Variants in MALRD1 observed in about 807,000 individuals in gnomAD.
MALRD1 encodes MAM and LDL receptor class A domain containing 1.
A neutral mutation model predicts 242.1 loss-of-function variants in MALRD1; 247 were observed. The observed-to-expected ratio is 1.02, with a 90% CI of 0.92 to 1.13. MALRD1 has a LOEUF of 1.13. Ranked by LOEUF, MALRD1 falls within the 50% of genes most tolerant of loss-of-function variation. The pLI, the probability that MALRD1 is intolerant of heterozygous loss-of-function variation, is 0.00. For missense variants in MALRD1, 2,989 were observed against 2,533.1 expected, an observed-to-expected ratio of 1.18 and a Z score of -3.86; for synonymous variants, 995 against 866.6, an observed-to-expected ratio of 1.15 and a Z score of -2.60.
chr10:19,298,967 A>G (rs1236684462), intron 21 of MALRD1, among the ~76,000 whole-genome samples: 1 of 151,934 alleles, frequency 6.6e-6, no homozygotes, highest in Non-Finnish European at 1.5e-5. Flanking sequence ...ATACCTGGTA[A>G]AAATATTCTT....
intron 24 of MALRD1, among the ~76,000 whole-genome samples, chr10:19,337,673 ATATT>A (rs1843670652): frequency 6.6e-6 from 1 of 152,144 alleles, no homozygotes; most frequent in Admixed American, 6.6e-5. Flanking sequence ...CAATTTACAA[ATATT>A]TATCATCATT....
intron 21 of MALRD1, among the ~76,000 whole-genome samples, chr10:19,286,398 G>A (rs1156946645): frequency 1.3e-5 from 2 of 150,490 alleles, no homozygotes; most frequent in African/African-American, 2.4e-5. Context: ...GTTTGTCATA[G>A]ATAGCTCTTA....
At chr10:19,629,485 T>A (rs576499612) in intron 36 of MALRD1, among the ~76,000 whole-genome samples, 391 of 152,190 alleles carry the variant, frequency 2.6e-3, no homozygotes, top group Non-Finnish European at 4.3e-3. Flanking sequence ...ATCAGGAGAT[T>A]CAAAAAGCTC....
Position 19,712,455 on chromosome 10 carries a change from G to A in MALRD1, c.6315-18251G>A, listed in dbSNP as rs571912175. Among the ~76,000 whole-genome samples, 6 of 152,252 alleles carry A rather than the reference G, an allele frequency of 3.9e-5. No individual in the cohort carries two copies. In the East Asian group the frequency reaches 7.7e-4, roughly 20 times the overall value. ...TTAATAAACCCAAAATGAGATATAT[G>A]TAAAGGAATTTGTGGATATGCAGGA... On this transcript the variant is annotated intron_variant, in intron 38 of 39. Coordinates refer to ENST00000454679, the MANE Select transcript of MALRD1 (RefSeq NM_001142308.3).
chr10:19,284,108 A>G (rs553133660), intron 21 of MALRD1, among the ~76,000 whole-genome samples: 1 of 152,352 alleles, frequency 6.6e-6, no homozygotes, highest in South Asian at 2.1e-4. Context: ...GGGGTGGGAT[A>G]AGAAGAGCAG....
intron 33 of MALRD1, among the ~76,000 whole-genome samples, chr10:19,591,497 G>GTTTTTTTTTTTTTTTTTTTTTTTAT (rs35785107): frequency 8.6e-6 from 1 of 116,296 alleles, no homozygotes; most frequent in Non-Finnish European, 1.8e-5. Context: ...TTTTATTTTA[G>GTTTTTTTTTTTTTTTTTTTTTTTAT]TTTTTTTTTT....
At chr10:19,658,571 G>A (rs1485342611) in intron 36 of MALRD1, among the ~76,000 whole-genome samples, 1 of 152,086 alleles carries the variant, frequency 6.6e-6, no homozygotes, top group African/African-American at 2.4e-5. Flanking sequence ...TAAGGGTCAA[G>A]AGTTATTGGC....
At chr10:19,288,689 G>A (rs951281656) in intron 21 of MALRD1, among the ~76,000 whole-genome samples, 8 of 151,982 alleles carry the variant, frequency 5.3e-5, no homozygotes, top group African/African-American at 1.9e-4. Flanking sequence ...CAAGTCCTGC[G>A]AGATCCCATC....
intron 29 of MALRD1, among the ~76,000 whole-genome samples, chr10:19,479,614 G>A (rs904502320): frequency 4.6e-5 from 7 of 152,096 alleles, no homozygotes; most frequent in Non-Finnish European, 7.4e-5. Flanking sequence ...GTATAAATTC[G>A]CCATAAGTGC....
intron 28 of MALRD1, among the ~76,000 whole-genome samples, chr10:19,401,457 T>C (rs187362633): frequency 3.7e-4 from 57 of 152,286 alleles, no homozygotes; most frequent in Non-Finnish European, 6.9e-4. Flanking sequence ...AATTGAAAAC[T>C]AATCCAAAAC....
intron 1 of MALRD1, among the ~76,000 whole-genome samples, chr10:19,056,902 AT>A (rs1287957413): frequency 1.3e-5 from 2 of 152,142 alleles, no homozygotes; most frequent in Admixed American, 6.5e-5. Context: ...AATTTTTCAA[AT>A]GCTTTCTCCG....
chr10:19,278,585 C>T (rs1176194462), intron 19 of MALRD1, among the ~76,000 whole-genome samples: 1 of 152,108 alleles, frequency 6.6e-6, no homozygotes, highest in Non-Finnish European at 1.5e-5. Context: ...GCTATGGATG[C>T]AGGGATGAAA....
chr10:19,290,397 G>T (rs1032905589), intron 21 of MALRD1: 1 of 152,186 alleles, frequency 6.6e-6, no homozygotes, highest in Non-Finnish European at 1.5e-5. Context: ...GCTCAGCAGG[G>T]CTCAACTGAG....
chr10:19,398,497 G>T (rs540419732), intron 28 of MALRD1, among the ~76,000 whole-genome samples: 2 of 152,046 alleles, frequency 1.3e-5, no homozygotes, highest in South Asian at 4.2e-4. Context: ...TATTATAATG[G>T]GATATTAAAA....
chr10:19,294,993 T>A (rs11009345), intron 21 of MALRD1, among the ~76,000 whole-genome samples: 18,260 of 152,062 alleles, frequency 0.12, 1,204 homozygotes, highest in East Asian at 0.19. Flanking sequence ...TCTGTAATCA[T>A]CTATTTATTA....
chr10:19,245,356 T>C (rs16918387), intron 18 of MALRD1, among the ~76,000 whole-genome samples: 2,344 of 152,248 alleles, frequency 0.015, 64 homozygotes, highest in African/African-American at 0.053. Flanking sequence ...GACTACAAGG[T>C]ACAAACTGAA....
Position 19,165,752 on chromosome 10 carries a change from G to A in MALRD1, c.1772G>A (p.Trp591Ter). Residue 591 changes from tryptophan (W) to a stop codon, truncating the protein, a stop_gained, in exon 13 of 40, where the codon TGG becomes TAG. Coordinates refer to ENST00000454679, the MANE Select transcript of MALRD1 (RefSeq NM_001142308.3). LOFTEE classifies it high-confidence loss of function. ...GKIIRFSESQ[W>*]SHAKIDLIAE... is the part of the protein sequence containing the mutation. ...ATAATCAGATTCTCCGAATCTCAGT[G>A]GAGCCACGCAAAAATTGATCTCATT... The A allele has an allele frequency of 8.1e-7, 1 of 1,231,660 alleles. No individual in the cohort carries two copies. Among genetic ancestry groups the A allele is most frequent in the Admixed American group, 4.2e-5 (1 of 23,702 alleles). The allele number at this position is 1,231,660 out of a possible 1,614,324, so 76.3% of individuals were successfully genotyped here.
rs1589302906 is a variant in MALRD1 at position 19,609,523 on chromosome 10, C to G, written c.6070+1621C>G. ...CAGCATTTAATAGGCTTTTGTAAACCCAATCCTTACAGCATCCAGTAATTC... is the reference window on the plus strand; with the variant it reads ...CAGCATTTAATAGGCTTTTGTAAACGCAATCCTTACAGCATCCAGTAATTC... On this transcript the variant is annotated intron_variant, in intron 35 of 39. Coordinates refer to ENST00000454679, the MANE Select transcript of MALRD1 (RefSeq NM_001142308.3). Among the ~76,000 whole-genome samples, 5 of 151,892 alleles carry G rather than the reference C, an allele frequency of 3.3e-5. No individual in the cohort carries two copies. The South Asian group carries it at 6.2e-4, about 19-fold the overall frequency.
intron 29 of MALRD1, among the ~76,000 whole-genome samples, chr10:19,477,898 G>C (rs1043168022): frequency 2.0e-5 from 3 of 152,160 alleles, no homozygotes; most frequent in Non-Finnish European, 2.9e-5. Context: ...TTGTACACAT[G>C]GTTGACAAAA....
Sources: allele counts gnomAD v4.1 joint callset (sites outside exome capture counted in the v4.1 genomes callset), GRCh38; gene constraint gnomAD v4.1.1; transcripts MANE v1.5; gene names NCBI Gene and HGNC (gene_info 2026-07-23, HGNC 2026-07-21).